Variants in HMCN1 observed in about 807,000 individuals in gnomAD.
The protein encoded by HMCN1 is hemicentin-1.
Under a neutral mutation model 625.9 loss-of-function variants are expected in HMCN1, and 321 were observed. That is an observed-to-expected ratio of 0.51 (90% CI 0.47 to 0.56). The LOEUF (loss-of-function observed/expected upper bound fraction) is 0.56, where lower values mean the gene tolerates loss of function less well. HMCN1 is among the 20% of genes least tolerant of loss of function. The pLI is 0.00. For synonymous variants in HMCN1, 2,425 were observed against 2,417.6 expected, an observed-to-expected ratio of 1.00 and a Z score of -0.09; for missense variants, 6,588 against 6,887.3, an observed-to-expected ratio of 0.96 and a Z score of 1.54.
intron 1 of HMCN1, among the ~76,000 whole-genome samples, chr1:185,797,571 T>C (rs780759193): frequency 1.3e-5 from 2 of 152,220 alleles, no homozygotes; most frequent in Admixed American, 6.5e-5. Flanking sequence ...CCTTCCAAAG[T>C]GCTGAGATTC....
At chr1:186,016,922 G>T in intron 32 of HMCN1, 41 bp from the exon 33 acceptor site, 1 of 1,080,590 alleles carries the variant, frequency 9.3e-7, no homozygotes, top group South Asian at 1.2e-5. Context: ...GTTTTTTGTT[G>T]TATACATTTC....
In HMCN1 at chr1:186,137,616, C is replaced by T. The variant is rs745680342; in HGVS notation, c.13701C>T (p.Pro4567=). Reference sequence around the variant, plus strand: ...CCCTTCCAGCCAATGGTGGGAAGCCCTGCCAAGGTTCAGATTTGGAAATGC... The same window carrying T: ...CCCTTCCAGCCAATGGTGGGAAGCCTTGCCAAGGTTCAGATTTGGAAATGC... The part of the protein sequence containing the change: ...NQPLPANGGK[P]CQGSDLEMRN... Residue 4567 remains proline, a synonymous_variant, in exon 88 of 107, where the codon CCC becomes CCT. Coordinates refer to ENST00000271588, the MANE Select transcript of HMCN1 (RefSeq NM_031935.3). 1.9e-6 allele frequency: 3 copies of T among 1,614,028 alleles called. No homozygotes were observed. The highest frequency in any genetic ancestry group is 1.1e-5 in the South Asian group (1 of 91,082).
At chr1:185,970,523 GT>G in intron 15 of HMCN1, 30 bp downstream of exon 15, 1 of 1,574,050 alleles carries the variant, frequency 6.4e-7, no homozygotes, top group Non-Finnish European at 8.7e-7. Flanking sequence ...AGGCCAATTT[GT>G]TTAGAAATTG....
chr1:185,816,800 G>C (rs1659871697), intron 1 of HMCN1, among the ~76,000 whole-genome samples: 1 of 152,218 alleles, frequency 6.6e-6, no homozygotes, highest in Non-Finnish European at 1.5e-5. Context: ...GAAGCTGGGA[G>C]ACAGAAAGAA....
intron 1 of HMCN1, among the ~76,000 whole-genome samples, chr1:185,842,360 CCAGCCAGCCTGG>C (rs1255171546): frequency 6.6e-6 from 1 of 152,036 alleles, no homozygotes; most frequent in African/African-American, 2.4e-5. Flanking sequence ...AAATATCCAC[CCAGCCAGCCTGG>C]GCAACATAGT....
At chr1:185,745,728 CCTGT>C (rs1377148733) in intron 1 of HMCN1, among the ~76,000 whole-genome samples, 3 of 152,124 alleles carry the variant, frequency 2.0e-5, no homozygotes, top group African/African-American at 4.8e-5. Context: ...GTTTGGGTGG[CCTGT>C]CTGTCTCCAG....
chr1:186,152,643 G>A, intron 95 of HMCN1, 107 bp from the exon 96 acceptor site: 1 of 1,355,228 alleles, frequency 7.4e-7, no homozygotes, highest in Non-Finnish European at 1.1e-6. Context: ...ACTTATTCAA[G>A]TTTGAACTCA....
intron 1 of HMCN1, among the ~76,000 whole-genome samples, chr1:185,774,568 T>G (rs1656469137): frequency 6.6e-6 from 1 of 152,152 alleles, no homozygotes; most frequent in African/African-American, 2.4e-5. Flanking sequence ...GCTAAATAAA[T>G]GAATTGCTGA....
Position 185,965,923 on chromosome 1 carries a change from T to G in HMCN1, c.2212+8T>G, listed in dbSNP as rs183165464. On this transcript the variant is annotated splice_region_variant and intron_variant, in intron 14 of 106. Transcript: ENST00000271588. ...AAGTTAAATGGTTCAAAGGTACATTTCTTCAATATGTTTGTGTCTGGTTCA... is the reference window on the plus strand; with the variant it reads ...AAGTTAAATGGTTCAAAGGTACATTGCTTCAATATGTTTGTGTCTGGTTCA... 850 of 1,380,122 alleles carry G rather than the reference T, an allele frequency of 6.2e-4. 4 individuals are homozygous for G. Among genetic ancestry groups the G allele is most frequent in the Admixed American group, 3.4e-3 (204 of 59,688 alleles). The allele number at this position is 1,380,122 out of a possible 1,614,324, so 85.5% of individuals were successfully genotyped here.
intron 48 of HMCN1, among the ~76,000 whole-genome samples, chr1:186,064,256 A>T (rs192813390): frequency 3.9e-5 from 6 of 151,996 alleles, no homozygotes; most frequent in Admixed American, 1.3e-4. Flanking sequence ...TGGTTTTAAA[A>T]TTTTTTTTAA....
rs1650191856 is a variant in HMCN1 at position 185,963,682 on chromosome 1, A to G, written c.1971-86A>G. 7 of 1,046,406 alleles carry G rather than the reference A, an allele frequency of 6.7e-6. 1 individual carries two copies. In the East Asian group the frequency reaches 1.7e-4, roughly 25 times the overall value. 64.8% of individuals were successfully genotyped at this position (1,046,406 alleles called of 1,614,324 possible). A position where few individuals can be genotyped will look rare whatever the true frequency, so the allele number is the denominator to read the frequency against. On this transcript the variant is annotated intron_variant, in intron 12 of 106. Transcript: ENST00000271588. ...AAAATATAACTCTACAACGTTTGAA[A>G]ATATTTTAAAGGAAAGCACTATATT...
chr1:185,880,572 A>G (rs1308264541), intron 4 of HMCN1, among the ~76,000 whole-genome samples: 1 of 152,282 alleles, frequency 6.6e-6, no homozygotes, highest in Admixed American at 6.5e-5. Context: ...TCTTCATATC[A>G]TCATGTTGTA....
rs1652876990 is a variant in HMCN1, at chr1:185,997,492, A to G, written c.3842A>G (p.Asn1281Ser). Reference protein sequence around the residue: ...YNTTFQERVANQRIEFPCPAK... With the variant: ...YNTTFQERVASQRIEFPCPAK... ...ACTACTTTCCAAGAAAGAGTGGCCA[A>G]TCAACGCATTGAATTTCCATGTCCT... The change falls in exon 25 of 107, where the codon AAT becomes AGT. Residue 1281 changes from asparagine to serine, a missense_variant. This residue lies in a region of HMCN1 where 4,628 missense variants were observed against 4,853.1 expected (regional missense o/e 0.95). Transcript: ENST00000271588. 1 of 1,612,264 alleles carries G rather than the reference A, an allele frequency of 6.2e-7. No homozygotes were observed. Among genetic ancestry groups the G allele is most frequent in the Non-Finnish European group, 8.5e-7 (1 of 1,178,706 alleles).
chr1:185,867,935 G>T (rs942577739), intron 4 of HMCN1, among the ~76,000 whole-genome samples: 5 of 152,008 alleles, frequency 3.3e-5, no homozygotes, highest in African/African-American at 1.2e-4. Flanking sequence ...TGGGCATGGT[G>T]GCACGTACCC....
In HMCN1 at chr1:186,087,650, A is replaced by T. The variant is rs1030555979; in HGVS notation, c.9363+5A>T. On this transcript the variant is annotated splice_donor_5th_base_variant and intron_variant, in intron 60 of 106. Coordinates refer to ENST00000271588, the MANE Select transcript of HMCN1 (RefSeq NM_031935.3). ...CTACACATTAAGAAAGCTGAGGTGC[A>T]TCTTTTATTCTTGTTTGAGTGTCAT... is the stretch of plus-strand genomic sequence containing the variant. 4 of 1,612,158 alleles carry T rather than the reference A, an allele frequency of 2.5e-6. No individual in the cohort carries two copies. The African/African-American group carries it at 5.3e-5, about 22-fold the overall frequency.
chr1:185,939,913 G>T (rs1188903265), intron 11 of HMCN1, among the ~76,000 whole-genome samples: 1 of 152,080 alleles, frequency 6.6e-6, no homozygotes, highest in East Asian at 1.9e-4. Flanking sequence ...TCTCCTATCT[G>T]CTTTATATAA....
chr1:185,989,009 T>A (rs1339921731), intron 20 of HMCN1, among the ~76,000 whole-genome samples: 1 of 139,754 alleles, frequency 7.2e-6, no homozygotes, highest in African/African-American at 2.6e-5. Flanking sequence ...TTAGTACTTT[T>A]TTTTTTTTTT....
At position 185,865,782 on chromosome 1, in the gene HMCN1, T is replaced by C. The variant is rs780108870; in HGVS notation, c.540T>C (p.His180=). 21 of 1,611,522 alleles carry C rather than the reference T, an allele frequency of 1.3e-5. No homozygotes were observed. In the South Asian group the frequency reaches 2.1e-4, roughly 16 times the overall value. ...VLTGDCDDRT[H]IGYKVYEEIA... The stretch of plus-strand genomic sequence containing the variant: ...CTGGAGATTGTGATGACAGGACCCA[T>C]ATTGGATATAAAGTCTATGAAGAAA... The change falls in exon 4 of 107, where the codon CAT becomes CAC. Residue 180 remains histidine, a synonymous_variant. Transcript: ENST00000271588.
rs769569063 is a variant in HMCN1 at position 185,923,341 on chromosome 1, C to T, written c.1022-49C>T. The T allele has an allele frequency of 8.5e-6, 12 of 1,417,008 alleles. No homozygotes were observed. In the Admixed American group the frequency reaches 2.0e-4, roughly 24 times the overall value. 87.8% of individuals were successfully genotyped at this position (1,417,008 alleles called of 1,614,324 possible). A position where few individuals can be genotyped will look rare whatever the true frequency, so the allele number is the denominator to read the frequency against. The stretch of plus-strand genomic sequence containing the variant: ...ATGCAAATACTTATTTGATATATAA[C>T]TTCAATTGCTTGTTTCTTGTAAATG... On this transcript the variant is annotated intron_variant, in intron 7 of 106. Coordinates refer to ENST00000271588, the MANE Select transcript of HMCN1 (RefSeq NM_031935.3).
Sources: allele counts gnomAD v4.1 joint callset (sites outside exome capture counted in the v4.1 genomes callset), GRCh38; gene constraint gnomAD v4.1.1; regional missense constraint gnomAD v4.1.1; transcripts MANE v1.5; gene names NCBI Gene and HGNC (gene_info 2026-07-23, HGNC 2026-07-21).